Variants in CCDC30 observed in about 807,000 individuals in gnomAD.
CCDC30 encodes the protein coiled-coil domain-containing protein 30.
Under a neutral mutation model 100.2 loss-of-function variants are expected in CCDC30, and 70 were observed. The observed-to-expected ratio is 0.70, with a 90% confidence interval of 0.58 to 0.85. The LOEUF is 0.85. CCDC30 is among the 40% of genes least tolerant of loss of function. The pLI is 0.00. For synonymous variants in CCDC30, 233 were observed against 269.5 expected, an observed-to-expected ratio of 0.86 and a Z score of 1.33; for missense variants, 652 against 771.2, an observed-to-expected ratio of 0.85 and a Z score of 1.83.
chr1:42,613,458 C>T (rs1327738837), intron 11 of CCDC30, among the ~76,000 whole-genome samples: 5 of 152,008 alleles, frequency 3.3e-5, no homozygotes, highest in Non-Finnish European at 5.9e-5. Flanking sequence ...GGGGTTTCAC[C>T]GTGTTAGCCA....
At chr1:42,578,788 C>T (rs1190075025) in intron 8 of CCDC30, among the ~76,000 whole-genome samples, 4 of 152,056 alleles carry the variant, frequency 2.6e-5, no homozygotes, top group East Asian at 1.9e-4. Context: ...ATCATTGTTC[C>T]GAATAACAGA....
intron 10 of CCDC30, chr1:42,591,262 A>G (rs1004703814): frequency 2.9e-4 from 44 of 152,402 alleles, no homozygotes; most frequent in African/African-American, 8.9e-4. Context: ...AGGCAATCTC[A>G]GAGAACTTGG....
chr1:42,549,066 C>A (rs1403093454), intron 6 of CCDC30, among the ~76,000 whole-genome samples: 2 of 152,108 alleles, frequency 1.3e-5, no homozygotes, highest in Non-Finnish European at 2.9e-5. Flanking sequence ...TCCAACTTAG[C>A]AGTTTTCAAA....
intron 1 of CCDC30, among the ~76,000 whole-genome samples, chr1:42,475,051 C>G (rs1171378628): frequency 6.6e-6 from 1 of 151,948 alleles, no homozygotes; most frequent in East Asian, 1.9e-4. Context: ...TCCTAAACCA[C>G]AGAGAGGGAA....
intron 6 of CCDC30, among the ~76,000 whole-genome samples, chr1:42,503,076 G>A (rs892669447): frequency 6.6e-6 from 1 of 152,034 alleles, no homozygotes. Context: ...GTAAAGACAA[G>A]GTCTGGCTAT....
chr1:42,536,477 T>A, intron 6 of CCDC30: 1 of 1,594,020 alleles, frequency 6.3e-7, no homozygotes, highest in Non-Finnish European at 8.6e-7. Context: ...TTTTTACAGA[T>A]CCTGAAAATG....
intron 6 of CCDC30, among the ~76,000 whole-genome samples, chr1:42,540,882 C>G (rs1420803717): frequency 6.6e-6 from 1 of 152,130 alleles, no homozygotes; most frequent in Non-Finnish European, 1.5e-5. Flanking sequence ...ATTCTGATTC[C>G]CCTCTATAGC....
At chr1:42,600,960 C>T (rs1310025807) in intron 10 of CCDC30, among the ~76,000 whole-genome samples, 1 of 152,160 alleles carries the variant, frequency 6.6e-6, no homozygotes, top group Non-Finnish European at 1.5e-5. Context: ...AGCCATACTT[C>T]CTGTATAGCT....
At chr1:42,500,506 C>T (rs1173286167) in intron 6 of CCDC30, among the ~76,000 whole-genome samples, 13 of 151,990 alleles carry the variant, frequency 8.6e-5, no homozygotes, top group Admixed American at 2.0e-4. Context: ...CTCCGCCTCC[C>T]GGGTTCACAC....
At chr1:42,651,656 G>A (rs943681529) in intron 15 of CCDC30, among the ~76,000 whole-genome samples, 3 of 152,072 alleles carry the variant, frequency 2.0e-5, no homozygotes, top group Non-Finnish European at 4.4e-5. Flanking sequence ...TTGAGGTCAG[G>A]AGTTCCAGAC....
intron 6 of CCDC30, among the ~76,000 whole-genome samples, chr1:42,512,319 G>A (rs4405166): frequency 0.13 from 19,684 of 152,100 alleles, 1,473 homozygotes; most frequent in East Asian, 0.19. Context: ...GCCAGTTTAT[G>A]GCCAGATTTG....
the CCDC30 span, chr1:42,456,623 G>T: frequency 1.3e-6 from 2 of 1,577,186 alleles, no homozygotes; most frequent in Non-Finnish European, 1.7e-6. Context: ...TGCGCGCTGG[G>T]CTGAGGTTAT....
chr1:42,525,128 T>A (rs1031939864), intron 6 of CCDC30, among the ~76,000 whole-genome samples: 1 of 152,168 alleles, frequency 6.6e-6, no homozygotes, highest in African/African-American at 2.4e-5. Flanking sequence ...TCTCTTGGTT[T>A]TCTTAGTACT....
upstream of CCDC30, among the ~76,000 whole-genome samples, chr1:42,462,111 C>T (rs989712744): frequency 4.6e-5 from 7 of 151,828 alleles, no homozygotes; most frequent in Admixed American, 4.6e-4. Flanking sequence ...GTCTTGTTAA[C>T]GCTTAAAAAC....
intron 6 of CCDC30, among the ~76,000 whole-genome samples, chr1:42,506,933 C>T (rs1465361969): frequency 6.6e-6 from 1 of 151,908 alleles, no homozygotes; most frequent in African/African-American, 2.4e-5. Context: ...TAATGTTAAC[C>T]CCATTTTTTT....
intron 11 of CCDC30, among the ~76,000 whole-genome samples, chr1:42,623,282 TG>T (rs1452837891): frequency 6.6e-5 from 10 of 152,178 alleles, no homozygotes; most frequent in African/African-American, 2.4e-4. Context: ...CCTGCACTTG[TG>T]GGGTATTACT....
At chr1:42,483,846 G>A (rs1262203565) in intron 3 of CCDC30, among the ~76,000 whole-genome samples, 3 of 151,904 alleles carry the variant, frequency 2.0e-5, no homozygotes, top group African/African-American at 7.3e-5. Context: ...TATTCTTTAT[G>A]CTTTCTGAGT....
exon 6 of CCDC30, chr1:42,498,822 A>G: frequency 1.6e-6 from 2 of 1,231,864 alleles, no homozygotes; most frequent in Non-Finnish European, 2.0e-6. Context: ...TTTAAGGTTG[A>G]AAGACTTAAA....
intron 11 of CCDC30, among the ~76,000 whole-genome samples, chr1:42,634,814 A>G (rs534808686): frequency 1.3e-5 from 2 of 152,310 alleles, no homozygotes; most frequent in South Asian, 4.1e-4. Context: ...TCAACCTAAA[A>G]GAAACCCCAT....
Sources: allele counts gnomAD v4.1 joint callset (sites outside exome capture counted in the v4.1 genomes callset), GRCh38; gene constraint gnomAD v4.1.1; transcripts MANE v1.5; gene names NCBI Gene and HGNC (gene_info 2026-07-23, HGNC 2026-07-21).